TMC7: variants seen among roughly 807,000 people sequenced by gnomAD.
TMC7 encodes the protein transmembrane channel like 7, also known as transmembrane channel-like protein 7.
A neutral mutation model predicts 82.9 loss-of-function variants in TMC7; 54 were observed. That is an observed-to-expected ratio of 0.65 (90% confidence interval 0.52 to 0.82). The LOEUF (loss-of-function observed/expected upper bound fraction) is 0.82, where lower values mean the gene tolerates loss of function less well. Ranked by LOEUF, TMC7 falls within the 40% of genes least tolerant of loss-of-function variation. TMC7 has a pLI of 0.00. For missense variants in TMC7, 820 were observed against 901.2 expected, an observed-to-expected ratio of 0.91 and a Z score of 1.15; for synonymous variants, 350 against 337.9, an observed-to-expected ratio of 1.04 and a Z score of -0.39.
chr16:19,034,100 C>T (rs1247722623), intron 6 of TMC7, among the ~76,000 whole-genome samples: 1 of 152,188 alleles, frequency 6.6e-6, no homozygotes, highest in Non-Finnish European at 1.5e-5. Flanking sequence ...TAAACAGGTG[C>T]TCACTAAATA....
Position 18,983,998 on chromosome 16 carries a change from A to AGGCGGCGGCGGC in TMC7, c.-56_-45dup, listed in dbSNP as rs759500658. ...CCGGCTCCGCGAGGGAAGGCCGGGG[A>AGGCGGCGGCGGC]GGCGGCGGCGGCGGCGGCGGCTGGA... On this transcript the variant is annotated 5_prime_UTR_variant, in exon 1 of 16. Coordinates refer to ENST00000304381, the MANE Select transcript of TMC7 (RefSeq NM_024847.4). The AGGCGGCGGCGGC allele has an allele frequency of 1.3e-5, 17 of 1,349,458 alleles. No homozygotes were observed. The African/African-American group carries it at 1.4e-4, about 11-fold the overall frequency. The allele number at this position is 1,349,458 out of a possible 1,614,324, so 83.6% of individuals were successfully genotyped here. A position where few individuals can be genotyped will look rare whatever the true frequency, so the allele number is the denominator to read the frequency against.
intron 5 of TMC7, among the ~76,000 whole-genome samples, chr16:19,024,530 C>G (rs8049898): frequency 0.31 from 47,814 of 151,894 alleles, 7,765 homozygotes; most frequent in Non-Finnish European, 0.33. Context: ...GTTTTTCAAA[C>G]TTGGCACTAT....
chr16:19,047,078 C>T lies in TMC7; in HGVS notation c.1569C>T (p.Tyr523=). Reference sequence around the variant, plus strand: ...CTGTTTCCAGGCTCCTGGTGACCTACTGTTCCTCTTGCAAGCTGATTCAGT... The same window carrying T: ...CTGTTTCCAGGCTCCTGGTGACCTATTGTTCCTCTTGCAAGCTGATTCAGT... ...VDFPRKLLVT[Y]CSSCKLIQCW... is the part of the protein sequence containing the mutation. Residue 523 remains tyrosine (Y), a synonymous_variant, in exon 12 of 16, where the codon TAC becomes TAT. Coordinates refer to ENST00000304381, the MANE Select transcript of TMC7 (RefSeq NM_024847.4). 1.2e-6 allele frequency: 2 copies of T among 1,610,800 alleles called. No individual in the cohort carries two copies. The highest frequency in any genetic ancestry group is 1.7e-6 in the Non-Finnish European group (2 of 1,178,732).
intron 9 of TMC7, among the ~76,000 whole-genome samples, chr16:19,042,988 C>T (rs1354387298): frequency 6.6e-6 from 1 of 151,992 alleles, no homozygotes. Context: ...CCTCGTGATC[C>T]GCCCACCTCG....
intron 1 of TMC7, among the ~76,000 whole-genome samples, chr16:19,002,993 G>A: frequency 6.6e-6 from 1 of 152,236 alleles, no homozygotes. Flanking sequence ...TGACACTCAA[G>A]TCTTGGGCAA....
Position 19,042,011 on chromosome 16 carries a change from G to A in TMC7, c.1337+1565G>A, listed in dbSNP as rs1961035580. Among the ~76,000 whole-genome samples the A allele has an allele frequency of 1.3e-5, 2 of 152,080 alleles. 1 individual carries two copies. Among genetic ancestry groups the A allele is most frequent in the East Asian group, 3.9e-4 (2 of 5,176 alleles). On this transcript the variant is annotated intron_variant, in intron 9 of 15. Coordinates refer to ENST00000304381, the MANE Select transcript of TMC7 (RefSeq NM_024847.4). ...ATGCCCATAGTTGCTATAAATGACT[G>A]TGGAGATTCAGAGTTTTTGGTAGAT... is the stretch of plus-strand genomic sequence containing the variant.
intron 2 of TMC7, among the ~76,000 whole-genome samples, chr16:19,009,812 G>A (rs1220871665): frequency 6.6e-6 from 1 of 151,224 alleles, no homozygotes; most frequent in Non-Finnish European, 1.5e-5. Flanking sequence ...ATGGTGGCGG[G>A]TGCCTGTAGT....
At chr16:19,040,855 T>C (rs1296638570) in intron 9 of TMC7, among the ~76,000 whole-genome samples, 1 of 151,964 alleles carries the variant, frequency 6.6e-6, no homozygotes, top group Non-Finnish European at 1.5e-5. Context: ...TTGCATCTTA[T>C]TTCAAACATT....
rs188315912 is a variant in TMC7 at position 19,062,765 on chromosome 16, T to G, written c.*922T>G. 6.5e-6 allele frequency: 1 copy of G among 152,672 alleles called. No individual in the cohort carries two copies. Among genetic ancestry groups the G allele is most frequent in the African/African-American group, 2.4e-5 (1 of 41,478 alleles). 9.5% of individuals were successfully genotyped at this position (152,672 alleles called of 1,614,324 possible). ...AACAGAAGTTTAAGTTATTGTTTAA[T>G]GTAATCAGTTTTCATTTTAATATCT... is the stretch of plus-strand genomic sequence containing the variant. On this transcript the variant is annotated 3_prime_UTR_variant, in exon 16 of 16. Transcript: ENST00000304381.
chr16:19,017,343 T>C (rs895422208), intron 3 of TMC7, among the ~76,000 whole-genome samples: 14 of 149,468 alleles, frequency 9.4e-5, no homozygotes, highest in Non-Finnish European at 1.5e-4. Context: ...TATTTAATAA[T>C]TTAATTTAAA....
intron 2 of TMC7, among the ~76,000 whole-genome samples, chr16:19,011,082 G>A (rs564139246): frequency 1.1e-4 from 17 of 152,226 alleles, no homozygotes; most frequent in East Asian, 5.8e-4. Context: ...TTGAGTAATC[G>A]GGAGTTTTGG....
At chr16:19,040,252 A>G in intron 8 of TMC7, 37 bp from the exon 9 acceptor site, 7 of 1,590,874 alleles carry the variant, frequency 4.4e-6, no homozygotes, top group Non-Finnish European at 6.0e-6. Flanking sequence ...TAACTTCCTC[A>G]TATACTCCTG....
chr16:19,000,264 G>A (rs547106326), intron 1 of TMC7, among the ~76,000 whole-genome samples: 13 of 152,028 alleles, frequency 8.6e-5, no homozygotes, highest in Admixed American at 3.9e-4. Context: ...CCAAGAGTTC[G>A]AGGGCAGCCT....
chr16:19,030,496 G>A, intron 6 of TMC7, 127 bp downstream of exon 6: 1 of 1,103,926 alleles, frequency 9.1e-7, no homozygotes. Context: ...GTGGGGAAGG[G>A]TTTGTGAGTC....
rs369935784 is a variant in TMC7 at position 19,056,742 on chromosome 16, C to G, written c.2027+45C>G. 145 of 1,598,008 alleles carry G rather than the reference C, an allele frequency of 9.1e-5. 1 individual carries two copies. The highest frequency in any genetic ancestry group is 1.3e-5 in the Non-Finnish European group (15 of 1,170,422). ...ACCCACTGAGGCACGTGGGCTCCTC[C>G]CATTGGGAAATGGCGGCGGTCGGGG... On this transcript the variant is annotated intron_variant, in intron 14 of 15. Transcript: ENST00000304381.
intron 2 of TMC7, among the ~76,000 whole-genome samples, chr16:19,010,063 C>T (rs1596737861): frequency 1.8e-5 from 2 of 111,310 alleles, no homozygotes; most frequent in South Asian, 6.8e-4. Context: ...TTTCTTTCTT[C>T]TTCTTCCTTT....
chr16:19,021,318 T>A (rs1447517020), intron 3 of TMC7, among the ~76,000 whole-genome samples: 2 of 152,142 alleles, frequency 1.3e-5, no homozygotes, highest in South Asian at 4.1e-4. Flanking sequence ...GTTCAGGTGA[T>A]TATTTCCAAA....
chr16:19,010,447 C>CGGAGTATTATTT, intron 2 of TMC7, among the ~76,000 whole-genome samples: 2 of 152,132 alleles, frequency 1.3e-5, no homozygotes, highest in Non-Finnish European at 2.9e-5. Flanking sequence ...AGCTACCGTG[C>CGGAGTATTATTT]CTGGCAGAAG....
chr16:19,042,975 T>C (rs2142275507), intron 9 of TMC7, among the ~76,000 whole-genome samples: 1 of 152,050 alleles, frequency 6.6e-6, no homozygotes, highest in East Asian at 1.9e-4. Context: ...CTCGATCTCC[T>C]GACCTCGTGA....
Sources: gnomAD v4.1 joint callset for allele counts (sites outside exome capture counted in the v4.1 genomes callset) on GRCh38, gnomAD v4.1.1 for gene constraint, MANE v1.5 for transcripts, NCBI Gene and HGNC (gene_info 2026-07-23, HGNC 2026-07-21) for gene names.